Variants in FAM124B observed in about 807,000 individuals in gnomAD.
FAM124B encodes family with sequence similarity 124 member B, also known as protein FAM124B.
A neutral mutation model predicts 19.7 loss-of-function variants in FAM124B; 18 were observed. That is an observed-to-expected ratio of 0.92 (90% CI 0.63 to 1.36). FAM124B has a LOEUF of 1.36. Ranked by LOEUF, FAM124B falls within the 40% of genes most tolerant of loss-of-function variation. The pLI, the probability that FAM124B is intolerant of heterozygous loss-of-function variation, is 0.00. For synonymous variants in FAM124B, 223 were observed against 225.2 expected, an observed-to-expected ratio of 0.99 and a Z score of 0.09; for missense variants, 540 against 553.3, an observed-to-expected ratio of 0.98 and a Z score of 0.24.
At chr2:224,400,501 C>T (rs1449451729) in intron 1 of FAM124B, 1 of 692,290 alleles carries the variant, frequency 1.4e-6, no homozygotes, top group Admixed American at 2.0e-5. Flanking sequence ...GGAAGACTCC[C>T]ATCTCTAAAA....
intron 1 of FAM124B, among the ~76,000 whole-genome samples, chr2:224,387,225 T>C (rs78031561): frequency 0.042 from 6,395 of 152,258 alleles, 414 homozygotes; most frequent in African/African-American, 0.14. Context: ...TAAAATGTTA[T>C]AGATTGAGAG....
At chr2:224,383,007 A>G (rs1689748135) in intron 1 of FAM124B, among the ~76,000 whole-genome samples, 3 of 152,180 alleles carry the variant, frequency 2.0e-5, no homozygotes, top group African/African-American at 7.2e-5. Flanking sequence ...TTCCACCAGC[A>G]TCAGATACTC....
chr2:224,388,958 A>C (rs1224742876), intron 1 of FAM124B, among the ~76,000 whole-genome samples: 1 of 152,106 alleles, frequency 6.6e-6, no homozygotes, highest in Non-Finnish European at 1.5e-5. Context: ...TTTGAGACGG[A>C]GTCTCGCTCT....
chr2:224,393,205 C>T (rs779928888), intron 1 of FAM124B, among the ~76,000 whole-genome samples: 4 of 152,190 alleles, frequency 2.6e-5, no homozygotes, highest in Non-Finnish European at 5.9e-5. Context: ...AGCTCAGGTG[C>T]TGATTGCAGG....
rs768435478 is a variant in FAM124B, at chr2:224,401,107, T to C, written c.662A>G (p.Asn221Ser). 4 of 1,614,088 alleles carry C rather than the reference T, an allele frequency of 2.5e-6. No homozygotes were observed. The highest frequency in any genetic ancestry group is 8.5e-7 in the Non-Finnish European group (1 of 1,179,996). ...GGTGCTGCTGATAGGCATGCATGGA[T>C]TGGGTAGCAGAGGCACTAACTGGCC... ...EIGQLVPLLP[N>S]PCMPISSTRW... is the part of the protein sequence containing the mutation. Residue 221 changes from asparagine (N) to serine (S), a missense_variant, in exon 1 of 2, where the codon AAT becomes AGT. By Grantham distance (46) the Asn-to-Ser change is conservative. Coordinates refer to ENST00000409685, the MANE Select transcript of FAM124B (RefSeq NM_001122779.2).
intron 1 of FAM124B, among the ~76,000 whole-genome samples, chr2:224,382,497 C>T (rs1461710795): frequency 1.3e-5 from 2 of 150,320 alleles, no homozygotes; most frequent in African/African-American, 4.9e-5. Context: ...GCAACCTCCA[C>T]CTGCCAGGTT....
intron 1 of FAM124B, among the ~76,000 whole-genome samples, chr2:224,395,923 C>T (rs908825242): frequency 6.6e-6 from 1 of 152,190 alleles, no homozygotes; most frequent in Non-Finnish European, 1.5e-5. Flanking sequence ...CAAGCACCAC[C>T]ATGTACATTC....
In FAM124B at chr2:224,401,387, C is replaced by A. The variant is rs769727078; in HGVS notation, c.382G>T (p.Val128Leu). Residue 128 changes from valine to leucine, a missense_variant, in exon 1 of 2, where the codon GTG becomes TTG. Coordinates refer to ENST00000409685, the MANE Select transcript of FAM124B (RefSeq NM_001122779.2). ...TCGGAGCCACAGTGCACCTGCCTCA[C>A]CCCCCAGATGGGCAGCTGACTGTCC... ...SLDSQLPIWG[V>L]RQVHCGSEIL... The A allele has an allele frequency of 6.2e-7, 1 of 1,614,028 alleles. No homozygotes were observed. The highest frequency in any genetic ancestry group is 1.1e-5 in the South Asian group (1 of 91,058).
chr2:224,398,289 G>A (rs189844671), intron 1 of FAM124B, among the ~76,000 whole-genome samples: 1 of 152,058 alleles, frequency 6.6e-6, no homozygotes, highest in African/African-American at 2.4e-5. Context: ...GTAGACAGGG[G>A]GATTTACCAT....
Position 224,401,602 on chromosome 2 carries a change from T to TTTTCACAGTA in FAM124B, c.157_166dup (p.Lys56IlefsTer3), listed in dbSNP as rs1559313121. On this transcript the variant is annotated stop_gained and frameshift_variant, in exon 1 of 2. Coordinates refer to ENST00000409685, the MANE Select transcript of FAM124B (RefSeq NM_001122779.2). LOFTEE classifies it high-confidence loss of function. ...AAACCGGGACCGCTTGGAATGGGAC[T>TTTTCACAGTA]TTTCACAGTATTTCACAGGACTGGC... 40 of 1,614,162 alleles carry TTTTCACAGTA rather than the reference T, an allele frequency of 2.5e-5. No homozygotes were observed. Among genetic ancestry groups the TTTTCACAGTA allele is most frequent in the Non-Finnish European group, 3.4e-5 (40 of 1,180,038 alleles).
chr2:224,379,927 G>T lies in FAM124B; in HGVS notation c.1014C>A (p.His338Gln). 1 of 1,551,848 alleles carries T rather than the reference G, an allele frequency of 6.4e-7. No individual in the cohort carries two copies. The highest frequency in any genetic ancestry group is 8.7e-7 in the Non-Finnish European group (1 of 1,147,020). Residue 338 changes from histidine to glutamine, a missense_variant, in exon 2 of 2, where the codon CAC becomes CAA. His to Gln is a conservative substitution (Grantham distance 24). Coordinates refer to ENST00000409685, the MANE Select transcript of FAM124B (RefSeq NM_001122779.2). ...CCTTCATTCTGGCCCCGGATTCAAGGTGATGAGAAGACAGGTGCAGGTGGG... is the reference window on the plus strand; with the variant it reads ...CCTTCATTCTGGCCCCGGATTCAAGTTGATGAGAAGACAGGTGCAGGTGGG... ...MGAHLHLSSH[H>Q]LESGARMKVL...
chr2:224,379,361 G>A lies in FAM124B; in HGVS notation c.*212C>T. On this transcript the variant is annotated 3_prime_UTR_variant, in exon 2 of 2. Coordinates refer to ENST00000409685, the MANE Select transcript of FAM124B (RefSeq NM_001122779.2). ...CATTCGGTTTTTTTCCCTGTGTGTT[G>A]GCTGTGTTCTCTTATGACTGTGACG... is the stretch of plus-strand genomic sequence containing the variant. 3.0e-6 allele frequency: 2 copies of A among 665,272 alleles called. No homozygotes were observed. Among genetic ancestry groups the A allele is most frequent in the Non-Finnish European group, 4.7e-6 (2 of 428,948 alleles). The allele number at this position is 665,272 out of a possible 1,614,324, so 41.2% of individuals were successfully genotyped here. A position where few individuals can be genotyped will look rare whatever the true frequency, so the allele number is the denominator to read the frequency against.
intron 1 of FAM124B, among the ~76,000 whole-genome samples, chr2:224,381,098 T>A (rs1362676045): frequency 6.6e-6 from 1 of 152,132 alleles, no homozygotes; most frequent in Non-Finnish European, 1.5e-5. Context: ...CCAGGATCCA[T>A]CCCTACCTGG....
intron 1 of FAM124B, among the ~76,000 whole-genome samples, chr2:224,395,832 G>A (rs1314781294): frequency 6.6e-6 from 1 of 152,198 alleles, no homozygotes; most frequent in Non-Finnish European, 1.5e-5. Context: ...GGGCGCGCTG[G>A]CAGAGACAGC....
At position 224,379,344 on chromosome 2, in the gene FAM124B, T is replaced by C. The variant is rs1689673987; in HGVS notation, c.*229A>G. 1.7e-6 allele frequency: 1 copy of C among 575,710 alleles called. No individual in the cohort carries two copies. Among genetic ancestry groups the C allele is most frequent in the Non-Finnish European group, 2.8e-6 (1 of 357,618 alleles). 35.7% of individuals were successfully genotyped at this position (575,710 alleles called of 1,614,324 possible). ...TCTCCACGGAACAAAAGCATTCGGT[T>C]TTTTTCCCTGTGTGTTGGCTGTGTT... On this transcript the variant is annotated 3_prime_UTR_variant, in exon 2 of 2. Transcript: ENST00000409685.
intron 1 of FAM124B, among the ~76,000 whole-genome samples, chr2:224,383,624 C>T (rs375000961): frequency 6.6e-6 from 1 of 152,260 alleles, no homozygotes; most frequent in Non-Finnish European, 1.5e-5. Context: ...CCTATCCCAA[C>T]CTCAAATCAC....
chr2:224,380,884 C>G (rs6741742), intron 1 of FAM124B, among the ~76,000 whole-genome samples: 43,327 of 152,006 alleles, frequency 0.29, 8,376 homozygotes, highest in African/African-American at 0.54. Context: ...ACTCTGGTTA[C>G]AAACTTACAG....
intron 1 of FAM124B, 99 bp from the exon 2 acceptor site, chr2:224,380,307 A>G: frequency 1.9e-6 from 2 of 1,080,356 alleles, no homozygotes; most frequent in Non-Finnish European, 2.6e-6. Context: ...TGCCATGCCC[A>G]TAGCAGACTT....
chr2:224,385,318 AG>A (rs1689786279), intron 1 of FAM124B, among the ~76,000 whole-genome samples: 1 of 152,176 alleles, frequency 6.6e-6, no homozygotes, highest in African/African-American at 2.4e-5. Flanking sequence ...TTTATCCTGA[AG>A]TCTTTTTCTT....
Sources: gnomAD v4.1 joint callset for allele counts (sites outside exome capture counted in the v4.1 genomes callset) on GRCh38, gnomAD v4.1.1 for gene constraint, MANE v1.5 for transcripts, NCBI Gene and HGNC (gene_info 2026-07-23, HGNC 2026-07-21) for gene names.